SCG5: variants seen among roughly 807,000 people sequenced by gnomAD.
SCG5 encodes secretogranin V.
A neutral mutation model predicts 25.7 loss-of-function variants in SCG5; 18 were observed. The observed-to-expected ratio is 0.70, with a 90% CI of 0.48 to 1.04. The LOEUF (loss-of-function observed/expected upper bound fraction) is 1.04, where lower values mean the gene tolerates loss of function less well. Among genes scored for constraint, SCG5 ranks in the 50% least tolerant of loss-of-function variants. The pLI is 0.00. For missense variants in SCG5, 206 were observed against 259.8 expected, an observed-to-expected ratio of 0.79 and a Z score of 1.42; for synonymous variants, 101 against 91.7, an observed-to-expected ratio of 1.10 and a Z score of -0.58.
At chr15:32,655,748 C>T (rs369115269) in intron 2 of SCG5, among the ~76,000 whole-genome samples, 80 of 152,268 alleles carry the variant, frequency 5.3e-4, no homozygotes, top group African/African-American at 1.7e-3. Context: ...CCCTTTCCAC[C>T]GTGGGAGAAC....
chr15:32,643,370 T>C (rs948033332), intron 1 of SCG5, among the ~76,000 whole-genome samples: 1 of 152,176 alleles, frequency 6.6e-6, no homozygotes, highest in Non-Finnish European at 1.5e-5. Flanking sequence ...ACAGAGGGAA[T>C]TGGATACCTG....
intron 2 of SCG5, among the ~76,000 whole-genome samples, chr15:32,652,075 A>G (rs1384894769): frequency 1.3e-5 from 2 of 152,238 alleles, no homozygotes; most frequent in Non-Finnish European, 2.9e-5. Flanking sequence ...GAGAAGAACC[A>G]GAAAGATAGA....
chr15:32,687,808 A>G (rs2054745323), intron 4 of SCG5, among the ~76,000 whole-genome samples: 2 of 152,224 alleles, frequency 1.3e-5, no homozygotes, highest in African/African-American at 4.8e-5. Flanking sequence ...ATCAAGACAC[A>G]TTTATTAACG....
In SCG5 at chr15:32,663,080, A is replaced by AT. The variant is rs1567076582; in HGVS notation, c.227-16685dup. ...ATATATATATATATATATATATATA[A>AT]TATATAATATGTTATATATACACAT... On this transcript the variant is annotated intron_variant, in intron 2 of 5. Coordinates refer to ENST00000300175, the MANE Select transcript of SCG5 (RefSeq NM_001144757.3). Among the ~76,000 whole-genome samples the AT allele has an allele frequency of 5.0e-4, 39 of 77,684 alleles. 1 individual carries two copies. Among genetic ancestry groups the AT allele is most frequent in the African/African-American group, 1.6e-3 (36 of 22,450 alleles). The allele number at this position is 77,684 out of a possible 152,430, so 51.0% of individuals were successfully genotyped here. A position where few individuals can be genotyped will look rare whatever the true frequency, so the allele number is the denominator to read the frequency against.
chr15:32,674,543 G>A (rs937226779), intron 2 of SCG5, among the ~76,000 whole-genome samples: 2 of 152,306 alleles, frequency 1.3e-5, no homozygotes, highest in Admixed American at 1.3e-4. Flanking sequence ...ATAGAGACAG[G>A]AAAATGGATT....
chr15:32,667,125 A>G (rs1567078525), intron 2 of SCG5, among the ~76,000 whole-genome samples: 2 of 147,514 alleles, frequency 1.4e-5, no homozygotes, highest in East Asian at 2.0e-4. Flanking sequence ...TAATTTCACT[A>G]TTTCTTTTTA....
At chr15:32,653,858 A>T (rs1395217891) in intron 2 of SCG5, among the ~76,000 whole-genome samples, 4 of 152,194 alleles carry the variant, frequency 2.6e-5, no homozygotes, top group Non-Finnish European at 4.4e-5. Context: ...TGGGTACTAT[A>T]ACTTAGGCAG....
intron 2 of SCG5, among the ~76,000 whole-genome samples, chr15:32,661,621 CA>C (rs1010193171): frequency 6.7e-6 from 1 of 149,372 alleles, no homozygotes; most frequent in South Asian, 2.1e-4. Context: ...TCTGTCTCAA[CA>C]AAAAAAAAGA....
chr15:32,648,841 G>C (rs961809112), intron 2 of SCG5, among the ~76,000 whole-genome samples: 1 of 150,986 alleles, frequency 6.6e-6, no homozygotes, highest in African/African-American at 2.4e-5. Context: ...GTGCGATCTC[G>C]GCTCACTGCA....
Position 32,665,333 on chromosome 15 carries a change from C to T in SCG5, c.227-14433C>T, listed in dbSNP as rs535285173. ...TCCAGTTGTGTTTAGTTTATTTAAA[C>T]GATCACATCAGCATTAGGTTCTGGT... On this transcript the variant is annotated intron_variant, in intron 2 of 5. Coordinates refer to ENST00000300175, the MANE Select transcript of SCG5 (RefSeq NM_001144757.3). Among the ~76,000 whole-genome samples, 8 of 150,764 alleles carry T rather than the reference C, an allele frequency of 5.3e-5. No individual in the cohort carries two copies. The South Asian group carries it at 1.0e-3, about 20-fold the overall frequency.
chr15:32,687,522 A>T (rs11638903), intron 4 of SCG5, among the ~76,000 whole-genome samples: 41,096 of 152,100 alleles, frequency 0.27, 5,841 homozygotes, highest in Admixed American at 0.33. Context: ...GTGGGAATTG[A>T]GTATGTCTTG....
At chr15:32,656,281 G>A (rs2054115846) in intron 2 of SCG5, 1 of 152,128 alleles carries the variant, frequency 6.6e-6, no homozygotes, top group South Asian at 2.1e-4. Flanking sequence ...CACGTCATCT[G>A]GAAAAAGAGG....
chr15:32,676,778 A>T (rs1173841080), intron 2 of SCG5, among the ~76,000 whole-genome samples: 1 of 152,250 alleles, frequency 6.6e-6, no homozygotes, highest in Non-Finnish European at 1.5e-5. Context: ...ATAAATCAAC[A>T]TCTGATTTAT....
intron 3 of SCG5, 148 bp from the exon 4 acceptor site, chr15:32,684,409 C>A: frequency 1.6e-6 from 1 of 618,162 alleles, no homozygotes. Flanking sequence ...TAACTGGATC[C>A]TAGAGGGAAG....
Position 32,691,761 on chromosome 15 carries a change from A to T in SCG5, c.541A>T (p.Arg181Trp). ...KMKGGERRKRRSVNPYLQGQR... is the reference protein window; with the variant it reads ...KMKGGERRKRWSVNPYLQGQR... ...GAAGGGAGGAGAGAGACGAAAGCGG[A>T]GGGTAACACGTGCCTGGCTGGATTG... Residue 181 changes from arginine (R) to tryptophan (W), a missense_variant and splice_region_variant, in exon 5 of 6, where the codon AGG (arginine) becomes TGG (tryptophan). Arg to Trp is a moderately radical substitution (Grantham distance 101). Transcript: ENST00000300175. 6.2e-7 allele frequency: 1 copy of T among 1,612,596 alleles called. No homozygotes were observed. Among genetic ancestry groups the T allele is most frequent in the South Asian group, 1.1e-5 (1 of 90,570 alleles).
chr15:32,693,380 T>A (rs2054897587), intron 5 of SCG5, among the ~76,000 whole-genome samples: 1 of 152,148 alleles, frequency 6.6e-6, no homozygotes, highest in Non-Finnish European at 1.5e-5. Flanking sequence ...GCTTAGAATT[T>A]AGGAAAAGAA....
chr15:32,684,745 T>C, intron 4 of SCG5, 76 bp downstream of exon 4: 2 of 874,148 alleles, frequency 2.3e-6, no homozygotes, highest in Non-Finnish European at 3.7e-6. Flanking sequence ...ATGAGCAATA[T>C]GGGCAGAAGG....
At chr15:32,641,918 T>A (rs753001689) in intron 1 of SCG5, 140 bp downstream of exon 1, 8 of 152,170 alleles carry the variant, frequency 5.3e-5, no homozygotes, top group Non-Finnish European at 1.2e-4. Flanking sequence ...ATTAGAATGT[T>A]TGGCTATCAG....
At chr15:32,652,320 G>A (rs2054045577) in intron 2 of SCG5, among the ~76,000 whole-genome samples, 1 of 152,114 alleles carries the variant, frequency 6.6e-6, no homozygotes. Context: ...GAAATGCAAC[G>A]TATAAATGTG....
Sources: allele counts gnomAD v4.1 joint callset (sites outside exome capture counted in the v4.1 genomes callset), GRCh38; gene constraint gnomAD v4.1.1; transcripts MANE v1.5; gene names NCBI Gene and HGNC (gene_info 2026-07-23, HGNC 2026-07-21).